MICOS10: variants seen among roughly 807,000 people sequenced by gnomAD.
The protein encoded by MICOS10 is MICOS complex subunit MIC10.
MICOS10 carries 5 observed loss-of-function variants against 13.4 expected under a neutral mutation model. That is an observed-to-expected ratio of 0.37 (90% CI 0.20 to 0.78). MICOS10 has a LOEUF of 0.78. Ranked by LOEUF, MICOS10 falls within the 30% of genes least tolerant of loss-of-function variation. The pLI, the probability that MICOS10 is intolerant of heterozygous loss-of-function variation, is 0.47. For missense variants in MICOS10, 101 were observed against 94.6 expected, an observed-to-expected ratio of 1.07 and a Z score of -0.28; for synonymous variants, 35 against 33.6, an observed-to-expected ratio of 1.04 and a Z score of -0.15.
intron 1 of MICOS10, among the ~76,000 whole-genome samples, chr1:19,610,331 C>T (rs186554014): frequency 7.6e-6 from 1 of 131,626 alleles, no homozygotes; most frequent in South Asian, 2.6e-4. Flanking sequence ...TCTAAGAAGA[C>T]AGCAAATCAA....
In MICOS10 at chr1:19,627,180, GC is replaced by G. The variant is rs1266333708; in HGVS notation, c.*783del. 6.6e-6 allele frequency: 1 copy of G among 152,196 alleles called. No individual in the cohort carries two copies. Among genetic ancestry groups the G allele is most frequent in the Non-Finnish European group, 1.5e-5 (1 of 68,054 alleles). 9.4% of individuals were successfully genotyped at this position (152,196 alleles called of 1,614,324 possible). A position where few individuals can be genotyped will look rare whatever the true frequency, so the allele number is the denominator to read the frequency against. On this transcript the variant is annotated 3_prime_UTR_variant, in exon 4 of 4. Transcript: ENST00000322753. ...TGAGGACAAAAGGGCCACTTCTGAT[GC>G]CCCTCTGAGTTTGTTCCTGTGGTTT...
intron 1 of MICOS10, among the ~76,000 whole-genome samples, chr1:19,615,257 GACTT>G (rs1570493074): frequency 6.6e-6 from 1 of 152,172 alleles, no homozygotes; most frequent in African/African-American, 2.4e-5. Flanking sequence ...TAAATATTTG[GACTT>G]TCGATTTGTT....
chr1:19,615,758 A>G (rs1246705741), intron 1 of MICOS10, among the ~76,000 whole-genome samples: 2 of 134,514 alleles, frequency 1.5e-5, no homozygotes, highest in East Asian at 4.4e-4. Flanking sequence ...TGAACTTTCC[A>G]TTTTTCAAAG....
intron 1 of MICOS10, among the ~76,000 whole-genome samples, chr1:19,609,764 T>C (rs1311765920): frequency 6.6e-6 from 1 of 152,186 alleles, no homozygotes; most frequent in Admixed American, 6.5e-5. Context: ...TATTTACATA[T>C]TTACATACGA....
rs1280237988 is a variant in MICOS10, at chr1:19,597,099, C to A, written c.54C>A (p.Val18=). The A allele has an allele frequency of 6.2e-7, 1 of 1,600,578 alleles. No individual in the cohort carries two copies. Among genetic ancestry groups the A allele is most frequent in the East Asian group, 2.3e-5 (1 of 42,748 alleles). Residue 18 remains valine (V), a synonymous_variant, in exon 1 of 4, where the codon GTC becomes GTA. Transcript: ENST00000322753. The part of the protein sequence containing the change: ...RKWDRCLADA[V]VKIGTGFGLG... ...GGGACCGGTGTCTGGCGGATGCGGTCGTGAAGATAGGTAAGGGGCTTTTCG... is the reference window on the plus strand; with the variant it reads ...GGGACCGGTGTCTGGCGGATGCGGTAGTGAAGATAGGTAAGGGGCTTTTCG...
rs1444222298 is a variant in MICOS10 at position 19,627,776 on chromosome 1, C to G, written c.*1375C>G. Reference sequence around the variant, plus strand: ...GGGGAGGCTGGGCAATAGGGTACAACTCATGTCTGACTCCAGTTCTGGAAC... The same window carrying G: ...GGGGAGGCTGGGCAATAGGGTACAAGTCATGTCTGACTCCAGTTCTGGAAC... On this transcript the variant is annotated 3_prime_UTR_variant, in exon 4 of 4. Coordinates refer to ENST00000322753, the MANE Select transcript of MICOS10 (RefSeq NM_001032363.4). The G allele has an allele frequency of 1.3e-5, 2 of 152,274 alleles. No homozygotes were observed. The highest frequency in any genetic ancestry group is 3.8e-4 in the East Asian group (2 of 5,198). The allele number at this position is 152,274 out of a possible 1,614,324, so 9.4% of individuals were successfully genotyped here. A position where few individuals can be genotyped will look rare whatever the true frequency, so the allele number is the denominator to read the frequency against.
At chr1:19,608,596 A>G in intron 1 of MICOS10, 2 of 766,716 alleles carry the variant, frequency 2.6e-6, no homozygotes, top group Non-Finnish European at 4.6e-6. Flanking sequence ...ATTTTCTGTT[A>G]ATAAATTGCC....
chr1:19,599,228 G>A (rs1419706919), intron 1 of MICOS10, among the ~76,000 whole-genome samples: 1 of 151,912 alleles, frequency 6.6e-6, no homozygotes, highest in East Asian at 1.9e-4. Flanking sequence ...AACTATTTTT[G>A]TATTTTTTGG....
At chr1:19,619,413 G>C (rs772275478) in intron 1 of MICOS10, among the ~76,000 whole-genome samples, 1 of 152,118 alleles carries the variant, frequency 6.6e-6, no homozygotes, top group Admixed American at 6.6e-5. Flanking sequence ...CAGTTGCATT[G>C]AGCAACTAGA....
intron 1 of MICOS10, chr1:19,601,422 ATAT>A (rs1251037009): frequency 5.8e-6 from 1 of 172,600 alleles, no homozygotes. Context: ...AGCAAAAAAT[ATAT>A]ATATTAGCTG....
intron 1 of MICOS10, among the ~76,000 whole-genome samples, chr1:19,618,063 A>T (rs2100311314): frequency 6.6e-6 from 1 of 151,704 alleles, no homozygotes; most frequent in South Asian, 2.1e-4. Context: ...GTGTGATCCT[A>T]CGTAGCCAGT....
intron 3 of MICOS10, chr1:19,623,795 A>G (rs2094912504): frequency 2.2e-6 from 1 of 460,528 alleles, no homozygotes. Context: ...GTACGTTCAG[A>G]TATATACTCA....
intron 1 of MICOS10, among the ~76,000 whole-genome samples, chr1:19,602,258 C>A (rs929830342): frequency 6.6e-6 from 1 of 152,114 alleles, no homozygotes; most frequent in South Asian, 2.1e-4. Flanking sequence ...GTTCTCTGCC[C>A]ATATTTGCTT....
intron 1 of MICOS10, among the ~76,000 whole-genome samples, chr1:19,602,073 A>G (rs891464274): frequency 6.6e-6 from 1 of 152,136 alleles, no homozygotes; most frequent in African/African-American, 2.4e-5. Flanking sequence ...ATGTTTCACC[A>G]TTTGAAATTT....
chr1:19,599,965 G>A lies in MICOS10; in HGVS notation c.64+2856G>A, dbSNP rs142445275. Among the ~76,000 whole-genome samples the A allele has an allele frequency of 4.6e-5, 7 of 152,204 alleles. No individual in the cohort carries two copies. In the East Asian group the frequency reaches 1.4e-3, roughly 29 times the overall value. ...TAGGCTGGTGGGTAATCATGGGATG[G>A]TTTCAAGCAACAAATATTTATTGAG... On this transcript the variant is annotated intron_variant, in intron 1 of 3. Transcript: ENST00000322753.
chr1:19,608,478 CG>C, intron 1 of MICOS10: 1 of 1,248,026 alleles, frequency 8.0e-7, no homozygotes, highest in Non-Finnish European at 1.2e-6. Context: ...CTTGCCTGCT[CG>C]GGTATGAAGA....
At chr1:19,603,595 G>A (rs74411786) in intron 1 of MICOS10, among the ~76,000 whole-genome samples, 4,102 of 152,278 alleles carry the variant, frequency 0.027, 164 homozygotes, top group African/African-American at 0.08. Context: ...TTTAAAATTG[G>A]CTGTGTCCCT....
chr1:19,619,604 A>T (rs1421153706), intron 1 of MICOS10, among the ~76,000 whole-genome samples: 1 of 152,190 alleles, frequency 6.6e-6, no homozygotes, highest in Non-Finnish European at 1.5e-5. Flanking sequence ...TTGTATTTAT[A>T]GTTCATGGGC....
intron 1 of MICOS10, among the ~76,000 whole-genome samples, chr1:19,620,062 T>C (rs1342221018): frequency 6.6e-6 from 1 of 152,262 alleles, no homozygotes; most frequent in Non-Finnish European, 1.5e-5. Context: ...AATATTTGCT[T>C]CCAGGGAAGG....
Sources: allele counts gnomAD v4.1 joint callset (sites outside exome capture counted in the v4.1 genomes callset), GRCh38; gene constraint gnomAD v4.1.1; transcripts MANE v1.5; gene names NCBI Gene and HGNC (gene_info 2026-07-23, HGNC 2026-07-21).